Variants in MIR2052HG observed in about 807,000 individuals in gnomAD.
The protein encoded by MIR2052HG is MIR2052 host gene.
At chr8:74,719,623 T>C (rs1019942363) in intron 4 of MIR2052HG, among the ~76,000 whole-genome samples, 2 of 151,284 alleles carry the variant, frequency 1.3e-5, no homozygotes, top group African/African-American at 4.8e-5. Flanking sequence ...TTTATTTGGC[T>C]CTAGGCGCCC....
Position 74,625,182 on chromosome 8 carries a change from C to G in MIR2052HG, n.216+12242C>G. 1.3e-5 allele frequency: 2 copies of G among 152,112 alleles called. 1 individual carries two copies. The highest frequency in any genetic ancestry group is 2.9e-5 in the Non-Finnish European group (2 of 68,036). The allele number at this position is 152,112 out of a possible 1,614,324, so 9.4% of individuals were successfully genotyped here. Reference sequence around the variant, plus strand: ...CAAGTGGTCCTCCTGACTCAGCCTCCTAAATAGCAAGGACTACAGGCATAC... The same window carrying G: ...CAAGTGGTCCTCCTGACTCAGCCTCGTAAATAGCAAGGACTACAGGCATAC... On this transcript the variant is annotated intron_variant and non_coding_transcript_variant, in intron 2 of 6. Coordinates refer to ENST00000523442, the Ensembl canonical transcript of MIR2052HG.
chr8:74,603,793 A>T, intron 1 of MIR2052HG: 1 of 842,582 alleles, frequency 1.2e-6, no homozygotes, highest in Non-Finnish European at 2.1e-6. Context: ...GGATTGTGGG[A>T]TGCCAGCAAT....
chr8:74,721,904 G>A (rs1399460027), intron 4 of MIR2052HG, among the ~76,000 whole-genome samples: 1 of 152,152 alleles, frequency 6.6e-6, no homozygotes, highest in Admixed American at 6.5e-5. Context: ...ATAAAAACCA[G>A]GGCATTGGAC....
intron 4 of MIR2052HG, among the ~76,000 whole-genome samples, chr8:74,724,119 C>T (rs575985759): frequency 3.3e-5 from 5 of 152,150 alleles, no homozygotes; most frequent in Middle Eastern, 3.4e-3. Flanking sequence ...AAAGGATGGC[C>T]TCGTTTCATT....
intron 4 of MIR2052HG, among the ~76,000 whole-genome samples, chr8:74,723,815 T>A (rs778666874): frequency 7.2e-5 from 11 of 152,232 alleles, no homozygotes; most frequent in Non-Finnish European, 1.3e-4. Flanking sequence ...TGGGGTCAGA[T>A]CAGCCTAATT....
At chr8:74,757,141 T>A (rs896198542) in intron 5 of MIR2052HG, 6 of 151,886 alleles carry the variant, frequency 4.0e-5, no homozygotes, top group Admixed American at 1.3e-4. Context: ...GATTTGATGC[T>A]ATGAAAAGCA....
At chr8:74,630,186 A>T (rs1226539835) in intron 2 of MIR2052HG, among the ~76,000 whole-genome samples, 1 of 152,148 alleles carries the variant, frequency 6.6e-6, no homozygotes, top group East Asian at 1.9e-4. Context: ...AAATCAAAAC[A>T]GTTATTTTTG....
rs540900888 is a variant in MIR2052HG at position 74,657,761 on chromosome 8, A to G, written n.217-44618A>G. On this transcript the variant is annotated intron_variant and non_coding_transcript_variant, in intron 2 of 6. Transcript: ENST00000523442. ...ACTTTTCACTATCATGAGAACAGCA[A>G]GAGAAAGACTTGCCCCCATGATTCA... Among the ~76,000 whole-genome samples the G allele has an allele frequency of 5.2e-4, 79 of 152,318 alleles. No individual in the cohort carries two copies. The Middle Eastern group carries it at 0.014, about 26-fold the overall frequency.
chr8:74,614,491 A>G (rs1258340997), intron 2 of MIR2052HG, among the ~76,000 whole-genome samples: 1 of 152,154 alleles, frequency 6.6e-6, no homozygotes, highest in Non-Finnish European at 1.5e-5. Flanking sequence ...TTAAAAAATC[A>G]TATATTTGGG....
At chr8:74,747,007 G>A (rs935156950) in intron 4 of MIR2052HG, among the ~76,000 whole-genome samples, 1 of 152,032 alleles carries the variant, frequency 6.6e-6, no homozygotes, top group African/African-American at 2.4e-5. Flanking sequence ...AGCTACCAAA[G>A]AATAAATTGA....
At chr8:74,699,418 A>G (rs111989146) in intron 2 of MIR2052HG, among the ~76,000 whole-genome samples, 1,230 of 30,902 alleles carry the variant, frequency 0.04, 11 homozygotes, top group Middle Eastern at 0.13. Flanking sequence ...GTGTGTGTGT[A>G]TATATATATA....
At chr8:74,707,516 A>G (rs892870241) in intron 4 of MIR2052HG, among the ~76,000 whole-genome samples, 1 of 152,114 alleles carries the variant, frequency 6.6e-6, no homozygotes, top group South Asian at 2.1e-4. Context: ...TCTAGCCACA[A>G]TGTTGCAACC....
chr8:74,696,361 T>G (rs1019355894), intron 2 of MIR2052HG, among the ~76,000 whole-genome samples: 6 of 151,956 alleles, frequency 3.9e-5, no homozygotes, highest in African/African-American at 1.5e-4. Context: ...AATGGCTACA[T>G]GAAAATGTCT....
chr8:74,744,101 A>G (rs1261516614), intron 4 of MIR2052HG, among the ~76,000 whole-genome samples: 1 of 152,190 alleles, frequency 6.6e-6, no homozygotes, highest in Non-Finnish European at 1.5e-5. Context: ...GCAAATAAGA[A>G]ATAAATCCAA....
intron 4 of MIR2052HG, among the ~76,000 whole-genome samples, chr8:74,751,873 G>A (rs1809950150): frequency 6.6e-6 from 1 of 152,322 alleles, no homozygotes. Context: ...ATATCAAGAA[G>A]ATGGTTGGTA....
chr8:74,684,335 A>G (rs1330550202), intron 2 of MIR2052HG, among the ~76,000 whole-genome samples: 1 of 152,038 alleles, frequency 6.6e-6, no homozygotes, highest in Non-Finnish European at 1.5e-5. Context: ...TAGGCATGCA[A>G]AAAGCCAAAC....
chr8:74,724,608 T>A (rs1253051055), intron 4 of MIR2052HG, among the ~76,000 whole-genome samples: 1 of 152,240 alleles, frequency 6.6e-6, no homozygotes, highest in East Asian at 1.9e-4. Flanking sequence ...TTTTGACAAC[T>A]TTTCTAACTA....
intron 2 of MIR2052HG, among the ~76,000 whole-genome samples, chr8:74,642,326 A>T (rs1218782175): frequency 2.0e-5 from 3 of 152,164 alleles, no homozygotes; most frequent in African/African-American, 7.2e-5. Context: ...TAGGAAGATT[A>T]TAGGAAGCTT....
intron 2 of MIR2052HG, among the ~76,000 whole-genome samples, chr8:74,664,214 C>T (rs1052039691): frequency 6.6e-6 from 1 of 150,902 alleles, no homozygotes; most frequent in African/African-American, 2.4e-5. Context: ...ACTAAAATCT[C>T]AGAATTCACC....
Sources: gnomAD v4.1 joint callset for allele counts (sites outside exome capture counted in the v4.1 genomes callset) on GRCh38, gnomAD v4.1.1 for gene constraint, MANE v1.5 for transcripts, NCBI Gene and HGNC (gene_info 2026-07-23, HGNC 2026-07-21) for gene names.